Variants in DAB2IP observed in about 807,000 individuals in gnomAD.
The protein encoded by DAB2IP is DAB2 interacting protein.
A neutral mutation model predicts 107.2 loss-of-function variants in DAB2IP; 28 were observed. That is an observed-to-expected ratio of 0.26 (90% CI 0.19 to 0.36). The LOEUF (loss-of-function observed/expected upper bound fraction) is 0.36, where lower values mean the gene tolerates loss of function less well. DAB2IP is among the 10% of genes least tolerant of loss of function. The pLI is 1.00. For synonymous variants in DAB2IP, 755 were observed against 706.4 expected (o/e 1.07, Z -1.09); for missense variants, 1,400 against 1,644.7 (o/e 0.85, Z 2.57).
chr9:121,640,768 G>A (rs958256063), intron 1 of DAB2IP, among the ~76,000 whole-genome samples: 1 of 152,192 alleles, frequency 6.6e-6, no homozygotes, highest in Non-Finnish European at 1.5e-5. Context: ...GTGGGGTGGG[G>A]CCAGTCCTGA....
At chr9:121,619,585 A>G (rs535671934) in intron 1 of DAB2IP, among the ~76,000 whole-genome samples, 2 of 152,352 alleles carry the variant, frequency 1.3e-5, no homozygotes, top group Admixed American at 6.5e-5. Context: ...CCCGGATTAT[A>G]TGTCACACTT....
At chr9:121,686,237 G>C (rs924020473) in intron 2 of DAB2IP, among the ~76,000 whole-genome samples, 3 of 152,164 alleles carry the variant, frequency 2.0e-5, no homozygotes, top group African/African-American at 7.2e-5. Flanking sequence ...AGGGGGAAGA[G>C]CCCACTTCAA....
chr9:121,680,839 T>C (rs1467634058), intron 2 of DAB2IP, among the ~76,000 whole-genome samples: 1 of 150,512 alleles, frequency 6.6e-6, no homozygotes, highest in Non-Finnish European at 1.5e-5. Context: ...GCCTCCCGGG[T>C]TCAAATAGTT....
intron 2 of DAB2IP, among the ~76,000 whole-genome samples, chr9:121,679,635 TTATTC>T (rs1212615516): frequency 6.6e-6 from 1 of 151,952 alleles, no homozygotes; most frequent in Non-Finnish European, 1.5e-5. Context: ...CACTCATCAG[TTATTC>T]TGGCATGCCT....
intron 1 of DAB2IP, among the ~76,000 whole-genome samples, chr9:121,585,124 C>G (rs955120488): frequency 2.0e-5 from 3 of 152,170 alleles, no homozygotes; most frequent in African/African-American, 2.4e-5. Context: ...CTCCATTTAT[C>G]TACTCACTGC....
intron 3 of DAB2IP, chr9:121,751,806 G>T (rs1444435557): frequency 2.2e-5 from 9 of 418,594 alleles, no homozygotes; most frequent in Non-Finnish European, 2.6e-5. Context: ...GACAGGAGAA[G>T]GCCAGTGGAA....
At chr9:121,658,010 C>T (rs551804444) in intron 1 of DAB2IP, among the ~76,000 whole-genome samples, 15 of 152,234 alleles carry the variant, frequency 9.9e-5, no homozygotes, top group South Asian at 2.1e-4. Flanking sequence ...TATCCTGTTT[C>T]GGTGTTGGTG....
At chr9:121,571,024 C>G (rs141304152) in intron 1 of DAB2IP, among the ~76,000 whole-genome samples, 5 of 152,044 alleles carry the variant, frequency 3.3e-5, no homozygotes, top group Non-Finnish European at 7.3e-5. Flanking sequence ...TTCCCGCCAT[C>G]AGATCTGACC....
chr9:121,717,613 G>A (rs370538832), intron 3 of DAB2IP, among the ~76,000 whole-genome samples: 6 of 152,326 alleles, frequency 3.9e-5, no homozygotes, highest in South Asian at 2.1e-4. Flanking sequence ...CCCTCCTGGC[G>A]TGTTTACTCC....
Position 121,776,497 on chromosome 9 carries a change from T to TGTG in DAB2IP, c.3314+108_3314+110dup. ...GAGCCTCCTCAAAGGATAAGCTGAA[T>TGTG]GTGGAGAGAGGAGGGAAGAGAGTGT... On this transcript the variant is annotated intron_variant, in intron 14 of 15. Transcript: ENST00000408936. The surrounding 1 kb of genome is among the most constrained non-coding windows in gnomAD (Gnocchi z 5.4). 1.6e-6 allele frequency: 2 copies of TGTG among 1,251,910 alleles called. No homozygotes were observed. The highest frequency in any genetic ancestry group is 2.2e-6 in the Non-Finnish European group (2 of 924,370). 77.6% of individuals were successfully genotyped at this position (1,251,910 alleles called of 1,614,324 possible).
intron 1 of DAB2IP, among the ~76,000 whole-genome samples, chr9:121,675,802 A>G (rs190603815): frequency 1.3e-5 from 2 of 152,316 alleles, no homozygotes; most frequent in Non-Finnish European, 2.9e-5. Flanking sequence ...ACAGCCTCCC[A>G]GAGGGAGGTG....
At chr9:121,627,688 A>G (rs971457186) in intron 1 of DAB2IP, among the ~76,000 whole-genome samples, 41 of 152,318 alleles carry the variant, frequency 2.7e-4, no homozygotes, top group African/African-American at 9.1e-4. Context: ...AGCAGAGTCT[A>G]GCCAATGCGT....
rs1324219307 is a variant in DAB2IP, at chr9:121,760,247, C to T, written c.978C>T (p.Pro326=). The change falls in exon 6 of 16, where the codon CCC becomes CCT. Residue 326 remains proline, a synonymous_variant. Transcript: ENST00000408936. This position sits in a 1 kb window ranked among gnomAD's most constrained non-coding sequence, Gnocchi z 5.9. ...CCAAGGGCGGCAAGGGCCCTGGACC[C>T]ATGATCCGCATCAAGGCGCGCTACC... 1 of 1,613,842 alleles carries T rather than the reference C, an allele frequency of 6.2e-7. No individual in the cohort carries two copies. Among genetic ancestry groups the T allele is most frequent in the South Asian group, 1.1e-5 (1 of 91,084 alleles).
At chr9:121,600,868 G>A (rs772293416) in intron 1 of DAB2IP, among the ~76,000 whole-genome samples, 1 of 152,132 alleles carries the variant, frequency 6.6e-6, no homozygotes, top group Non-Finnish European at 1.5e-5. Context: ...CGTAGAAGGC[G>A]CCTGGCTCGT....
chr9:121,756,994 A>G lies in DAB2IP; in HGVS notation c.363-19A>G. 1 of 1,613,526 alleles carries G rather than the reference A, an allele frequency of 6.2e-7. No homozygotes were observed. Among genetic ancestry groups the G allele is most frequent in the Non-Finnish European group, 8.5e-7 (1 of 1,179,838 alleles). On this transcript the variant is annotated intron_variant, in intron 3 of 15. Transcript: ENST00000408936. ...CCCGGGCTGTGGGGGCCCACCTGAC[A>G]CACCTACTGCCACCCCAGGTCCCAT... is the stretch of plus-strand genomic sequence containing the variant.
chr9:121,591,631 T>C (rs1057244611), intron 1 of DAB2IP, among the ~76,000 whole-genome samples: 2 of 151,996 alleles, frequency 1.3e-5, no homozygotes, highest in Admixed American at 1.3e-4. Context: ...GGAGAACTAG[T>C]AGATAGGGAC....
intron 10 of DAB2IP, among the ~76,000 whole-genome samples, chr9:121,769,697 G>A (rs1316245560): frequency 6.6e-6 from 1 of 152,178 alleles, no homozygotes; most frequent in East Asian, 1.9e-4. Context: ...TGGAAATGAG[G>A]GCTGAGACCC....
exon 10 of DAB2IP, chr9:121,768,502 C>T (rs766959002): frequency 1.2e-5 from 20 of 1,614,206 alleles, no homozygotes; most frequent in South Asian, 3.3e-5. Flanking sequence ...CAACATGCAG[C>T]GCTTCCTGCT....
chr9:121,598,887 G>A (rs1830595264), intron 1 of DAB2IP, among the ~76,000 whole-genome samples: 1 of 152,248 alleles, frequency 6.6e-6, no homozygotes, highest in South Asian at 2.1e-4. Flanking sequence ...GGGTCAATAA[G>A]ATAGTCACGC....
Sources: allele counts gnomAD v4.1 joint callset (sites outside exome capture counted in the v4.1 genomes callset), GRCh38; gene constraint gnomAD v4.1.1; non-coding constraint Gnocchi (gnomAD v3.1); transcripts MANE v1.5; gene names NCBI Gene and HGNC (gene_info 2026-07-23, HGNC 2026-07-21).